The following PLD5 variants were observed in gnomAD, a reference collection of about 807,000 sequenced individuals.
The protein encoded by PLD5 is phospholipase D family member 5, also known as inactive phospholipase D5.
Under a neutral mutation model 61.1 loss-of-function variants are expected in PLD5, and 36 were observed. The ratio of observed to expected loss-of-function variants is 0.59; its 90% confidence interval spans 0.45 to 0.78. The LOEUF is 0.78. Among genes scored for constraint, PLD5 ranks in the 30% least tolerant of loss-of-function variants. The pLI is 0.00. For missense variants in PLD5, 515 were observed against 644.4 expected (o/e 0.80, Z 2.17); for synonymous variants, 243 against 242.8 (o/e 1.00, Z -0.01).
intron 1 of PLD5, among the ~76,000 whole-genome samples, chr1:242,486,076 A>G (rs1387449621): frequency 6.6e-6 from 1 of 152,144 alleles, no homozygotes; most frequent in Non-Finnish European, 1.5e-5. Context: ...AAGATGGATT[A>G]AAGACTTAAA....
At position 242,432,393 on chromosome 1, in the gene PLD5, A is replaced by T. The variant is rs147761182; in HGVS notation, c.190-84151T>A. On this transcript the variant is annotated intron_variant, in intron 1 of 9. Transcript: ENST00000536534. ...GACAAGGCTACAGGCGAGGCTGCCA[A>T]CGTAGGGGACACTCCTTGTGAAGTC... 3.2e-3 allele frequency among the ~76,000 whole-genome samples: 486 copies of T among 152,322 alleles called. 2 individuals carry two copies. The highest frequency in any genetic ancestry group is 0.011 in the African/African-American group (465 of 41,566).
At chr1:242,113,203 C>T (rs1661675007) in intron 7 of PLD5, among the ~76,000 whole-genome samples, 2 of 151,566 alleles carry the variant, frequency 1.3e-5, no homozygotes, top group Admixed American at 1.3e-4. Flanking sequence ...CATTCTCCCG[C>T]CTCAGCCTCC....
At chr1:242,466,316 GAA>G in intron 1 of PLD5, among the ~76,000 whole-genome samples, 1 of 152,184 alleles carries the variant, frequency 6.6e-6, no homozygotes, top group South Asian at 2.1e-4. Context: ...AATATTTACT[GAA>G]TAGAACTGTA....
intron 1 of PLD5, among the ~76,000 whole-genome samples, chr1:242,495,057 T>G (rs570820562): frequency 5.4e-4 from 82 of 152,198 alleles, no homozygotes; most frequent in African/African-American, 1.9e-3. Flanking sequence ...AAAATGACTA[T>G]TCTCACAAGC....
At chr1:242,119,037 T>G (rs758370204) in intron 6 of PLD5, among the ~76,000 whole-genome samples, 33 of 152,236 alleles carry the variant, frequency 2.2e-4, no homozygotes, top group Non-Finnish European at 4.3e-4. Flanking sequence ...CATAGTAAAG[T>G]AGAAGAAGAG....
chr1:242,187,111 C>T (rs1667953132), intron 5 of PLD5, among the ~76,000 whole-genome samples: 1 of 152,202 alleles, frequency 6.6e-6, no homozygotes, highest in Non-Finnish European at 1.5e-5. Context: ...CCCCTTCTCT[C>T]TAGCCAGAGA....
chr1:242,422,725 G>A (rs141346549), intron 1 of PLD5, among the ~76,000 whole-genome samples: 29 of 152,250 alleles, frequency 1.9e-4, no homozygotes, highest in Non-Finnish European at 2.5e-4. Flanking sequence ...AAATCTAGAC[G>A]TGAAAAATGA....
intron 1 of PLD5, among the ~76,000 whole-genome samples, chr1:242,520,307 T>C (rs754778661): frequency 2.0e-5 from 3 of 152,052 alleles, no homozygotes; most frequent in Non-Finnish European, 4.4e-5. Flanking sequence ...ACAGGTGAGA[T>C]ATGTGAGGTG....
intron 2 of PLD5, among the ~76,000 whole-genome samples, chr1:242,319,280 C>G (rs1481543022): frequency 1.3e-5 from 2 of 151,816 alleles, no homozygotes; most frequent in Non-Finnish European, 2.9e-5. Context: ...AAAAAACACA[C>G]AACTGCATGA....
intron 1 of PLD5, among the ~76,000 whole-genome samples, chr1:242,465,842 T>C (rs1323985080): frequency 6.6e-6 from 1 of 152,166 alleles, no homozygotes; most frequent in Non-Finnish European, 1.5e-5. Context: ...AGGCAGAGAA[T>C]TGCTTGAACC....
intron 3 of PLD5, among the ~76,000 whole-genome samples, chr1:242,279,270 A>G (rs1282765443): frequency 6.6e-6 from 1 of 152,208 alleles, no homozygotes; most frequent in East Asian, 1.9e-4. Flanking sequence ...AACCTATGAA[A>G]GTTGAACAAT....
At chr1:242,528,400 T>A (rs914949659), upstream of PLD5, among the ~76,000 whole-genome samples, 1 of 152,196 alleles carries the variant, frequency 6.6e-6, no homozygotes, top group Non-Finnish European at 1.5e-5. Context: ...TCCTGATTGC[T>A]TATAATTAAT....
chr1:242,469,919 C>G (rs552493202), intron 1 of PLD5, among the ~76,000 whole-genome samples: 1 of 152,160 alleles, frequency 6.6e-6, no homozygotes, highest in African/African-American at 2.4e-5. Flanking sequence ...GCATAGTATA[C>G]AGATAACAAA....
intron 1 of PLD5, among the ~76,000 whole-genome samples, chr1:242,451,034 T>C (rs556338842): frequency 6.6e-6 from 1 of 152,190 alleles, no homozygotes; most frequent in Admixed American, 6.5e-5. Flanking sequence ...CTAGAAACAC[T>C]CAGCCACATC....
intron 2 of PLD5, among the ~76,000 whole-genome samples, chr1:242,322,364 C>G (rs199541850): frequency 3.7e-4 from 56 of 152,318 alleles, no homozygotes; most frequent in Non-Finnish European, 6.2e-4. Context: ...AAGTCTTTGT[C>G]CAAAATCCAC....
intron 9 of PLD5, among the ~76,000 whole-genome samples, chr1:242,096,525 A>T (rs1217331322): frequency 1.3e-5 from 2 of 151,532 alleles, no homozygotes; most frequent in Admixed American, 6.6e-5. Flanking sequence ...TATTTTTAGT[A>T]GAGACGGGGT....
chr1:242,510,222 C>T (rs1194786714), intron 1 of PLD5, among the ~76,000 whole-genome samples: 1 of 151,920 alleles, frequency 6.6e-6, no homozygotes, highest in Non-Finnish European at 1.5e-5. Flanking sequence ...CACATACACA[C>T]ACACACACAA....
intron 6 of PLD5, among the ~76,000 whole-genome samples, chr1:242,121,247 C>T (rs574412257): frequency 6.6e-6 from 1 of 151,926 alleles, no homozygotes; most frequent in Admixed American, 6.6e-5. Context: ...TTGGGAATAC[C>T]AATGATGAAG....
chr1:242,160,388 A>G (rs773864804), intron 5 of PLD5, among the ~76,000 whole-genome samples: 2 of 152,162 alleles, frequency 1.3e-5, no homozygotes, highest in South Asian at 2.1e-4. Context: ...GTCAAGACCT[A>G]GAGAGATCAC....
Sources: allele counts gnomAD v4.1 joint callset (sites outside exome capture counted in the v4.1 genomes callset), GRCh38; gene constraint gnomAD v4.1.1; transcripts MANE v1.5; gene names NCBI Gene and HGNC (gene_info 2026-07-23, HGNC 2026-07-21).